The following PDSS2 variants were observed in gnomAD, a reference collection of about 807,000 sequenced individuals.
PDSS2 encodes the protein decaprenyl diphosphate synthase subunit 2, also known as all trans-polyprenyl-diphosphate synthase PDSS2.
Under a neutral mutation model 44.5 loss-of-function variants are expected in PDSS2, and 31 were observed. That is an observed-to-expected ratio of 0.70 (90% confidence interval 0.52 to 0.94). The LOEUF is 0.94. PDSS2 is among the 40% of genes least tolerant of loss of function. The pLI is 0.00. For synonymous variants in PDSS2, 157 were observed against 180.3 expected, an observed-to-expected ratio of 0.87 and a Z score of 1.03; for missense variants, 452 against 482.2, an observed-to-expected ratio of 0.94 and a Z score of 0.59.
chr6:107,251,169 G>GA (rs1260893581), intron 3 of PDSS2, among the ~76,000 whole-genome samples: 2 of 152,062 alleles, frequency 1.3e-5, no homozygotes, highest in Admixed American at 1.3e-4. Context: ...GAAATCTTTA[G>GA]AAAAAATGTA....
chr6:107,270,496 A>G (rs1330871872), intron 3 of PDSS2, among the ~76,000 whole-genome samples: 4 of 152,154 alleles, frequency 2.6e-5, no homozygotes, highest in Non-Finnish European at 5.9e-5. Flanking sequence ...CCCAAATCAT[A>G]TAGTTCAGTG....
chr6:107,391,945 T>A (rs956900331), intron 1 of PDSS2, among the ~76,000 whole-genome samples: 1 of 152,042 alleles, frequency 6.6e-6, no homozygotes, highest in African/African-American at 2.4e-5. Flanking sequence ...ATTTAACCCT[T>A]GGTGAAAAAC....
intron 4 of PDSS2, among the ~76,000 whole-genome samples, chr6:107,215,125 C>T (rs142814915): frequency 3.3e-5 from 5 of 152,142 alleles, no homozygotes; most frequent in Non-Finnish European, 7.4e-5. Flanking sequence ...TAAAATGTGA[C>T]AATATATATT....
chr6:107,430,925 G>A (rs1193930901), intron 1 of PDSS2, among the ~76,000 whole-genome samples: 1 of 151,932 alleles, frequency 6.6e-6, no homozygotes, highest in Admixed American at 6.5e-5. Flanking sequence ...TTATTTTATT[G>A]TAATTCAAAA....
intron 4 of PDSS2, among the ~76,000 whole-genome samples, chr6:107,239,824 C>A (rs1032453406): frequency 1.3e-5 from 2 of 151,498 alleles, no homozygotes; most frequent in African/African-American, 4.8e-5. Context: ...GTATTTTTAG[C>A]AGAGACACGG....
intron 4 of PDSS2, among the ~76,000 whole-genome samples, chr6:107,232,117 G>A (rs561838894): frequency 3.3e-5 from 5 of 152,296 alleles, no homozygotes; most frequent in African/African-American, 1.2e-4. Flanking sequence ...TCTGTTGAGT[G>A]AGCAGTCCTA....
intron 7 of PDSS2, among the ~76,000 whole-genome samples, chr6:107,188,009 C>T (rs1019908248): frequency 3.3e-5 from 5 of 152,186 alleles, no homozygotes; most frequent in Admixed American, 3.3e-4. Flanking sequence ...GTCAAGGGAG[C>T]TTGTGATGGC....
chr6:107,207,990 T>TG (rs1773054744), intron 6 of PDSS2, among the ~76,000 whole-genome samples: 1 of 145,174 alleles, frequency 6.9e-6, no homozygotes, highest in African/African-American at 2.5e-5. Context: ...TTTTTTTTTT[T>TG]TTTTTTTTTT....
intron 1 of PDSS2, among the ~76,000 whole-genome samples, chr6:107,355,782 T>C (rs1778581306): frequency 6.6e-6 from 1 of 152,240 alleles, no homozygotes; most frequent in Non-Finnish European, 1.5e-5. Context: ...ACAGAATTAC[T>C]TGAAGAGCTT....
intron 6 of PDSS2, among the ~76,000 whole-genome samples, chr6:107,206,135 G>A (rs1010355864): frequency 7.9e-5 from 12 of 152,136 alleles, no homozygotes; most frequent in East Asian, 1.9e-4. Flanking sequence ...GCACTGGTGC[G>A]ATCTTGGCTC....
chr6:107,168,738 C>A (rs1684573264), intron 7 of PDSS2, among the ~76,000 whole-genome samples: 1 of 151,604 alleles, frequency 6.6e-6, no homozygotes, highest in Admixed American at 6.6e-5. Context: ...ACTTATGAAG[C>A]TTAGTTTGGC....
At chr6:107,410,979 G>A (rs947744711) in intron 1 of PDSS2, among the ~76,000 whole-genome samples, 3 of 151,182 alleles carry the variant, frequency 2.0e-5, no homozygotes, top group Non-Finnish European at 4.4e-5. Flanking sequence ...CTGCCCCCTG[G>A]GTTTAAGAAA....
At chr6:107,290,532 C>T (rs1178153168) in intron 2 of PDSS2, among the ~76,000 whole-genome samples, 1 of 152,194 alleles carries the variant, frequency 6.6e-6, no homozygotes, top group African/African-American at 2.4e-5. Context: ...TCTCCACCCC[C>T]CGCCTCTCTG....
chr6:107,163,408 A>C lies in PDSS2; in HGVS notation c.1042-8631T>G, dbSNP rs1320803259. Among the ~76,000 whole-genome samples the C allele has an allele frequency of 3.3e-5, 5 of 152,182 alleles. No homozygotes were observed. The South Asian group carries it at 6.2e-4, about 19-fold the overall frequency. On this transcript the variant is annotated intron_variant, in intron 7 of 7. Transcript: ENST00000369037. ...TTTCATGTGTAAAATGCCCACCAGT[A>C]ATGACTTATCAGTAATATAATCCTT... is the stretch of plus-strand genomic sequence containing the variant.
rs533634318 is a variant in PDSS2, at chr6:107,270,992, T to C, written c.630+3037A>G. ...GAACTATTGCTTCCCTTTTCCTATA[T>C]ACACATAAACACTTGTAGTTGATAA... is the stretch of plus-strand genomic sequence containing the variant. On this transcript the variant is annotated intron_variant, in intron 3 of 7. Coordinates refer to ENST00000369037, the MANE Select transcript of PDSS2 (RefSeq NM_020381.4). 2.6e-5 allele frequency among the ~76,000 whole-genome samples: 4 copies of C among 152,220 alleles called. No homozygotes were observed. In the East Asian group the frequency reaches 7.7e-4, roughly 29 times the overall value.
At chr6:107,157,816 AC>A (rs1770961901) in intron 7 of PDSS2, among the ~76,000 whole-genome samples, 2 of 151,440 alleles carry the variant, frequency 1.3e-5, no homozygotes. Context: ...GATTACAGGC[AC>A]CCGCCACCAC....
At chr6:107,395,105 A>T (rs1185946793) in intron 1 of PDSS2, among the ~76,000 whole-genome samples, 1 of 152,086 alleles carries the variant, frequency 6.6e-6, no homozygotes, top group East Asian at 1.9e-4. Context: ...TCAACACTTT[A>T]AAGATGTCAT....
chr6:107,396,678 C>CTTTTTTTTTTTTTTTT (rs950671310), intron 1 of PDSS2, among the ~76,000 whole-genome samples: 6 of 79,358 alleles, frequency 7.6e-5, no homozygotes, highest in East Asian at 3.2e-4. Flanking sequence ...CTTCTTTTTT[C>CTTTTTTTTTTTTTTTT]TTTTTTTTTT....
At chr6:107,306,248 T>C (rs974897579) in intron 2 of PDSS2, among the ~76,000 whole-genome samples, 1 of 152,186 alleles carries the variant, frequency 6.6e-6, no homozygotes, top group Admixed American at 6.5e-5. Flanking sequence ...GGGAGGGACC[T>C]GGTGGGAAGT....
Sources: allele counts gnomAD v4.1 joint callset (sites outside exome capture counted in the v4.1 genomes callset), GRCh38; gene constraint gnomAD v4.1.1; transcripts MANE v1.5; gene names NCBI Gene and HGNC (gene_info 2026-07-23, HGNC 2026-07-21).